The following CACUL1 variants were observed in gnomAD, a reference collection of about 807,000 sequenced individuals.
CACUL1 encodes CDK2-associated and cullin domain-containing protein 1.
A neutral mutation model predicts 45.2 loss-of-function variants in CACUL1; 13 were observed. The observed-to-expected ratio is 0.29, with a 90% CI of 0.19 to 0.46. The LOEUF (loss-of-function observed/expected upper bound fraction) is 0.46. CACUL1 is among the 20% of genes least tolerant of loss of function. The pLI is 1.00. For missense variants in CACUL1, 421 were observed against 471.4 expected (o/e 0.89, Z 0.99); for synonymous variants, 197 against 174.2 (o/e 1.13, Z -1.03).
chr10:118,707,367 C>T (rs775912668), intron 4 of CACUL1, 125 bp downstream of exon 4: 155 of 504,732 alleles, frequency 3.1e-4, no homozygotes, highest in Non-Finnish European at 4.5e-4. Flanking sequence ...ACTGAAATAA[C>T]TTAATTTCCA....
At chr10:118,730,185 CT>C in intron 2 of CACUL1, 98 bp downstream of exon 2, 1 of 1,246,258 alleles carries the variant, frequency 8.0e-7, no homozygotes, top group Non-Finnish European at 1.2e-6. Flanking sequence ...AGAGCCTCAT[CT>C]TATGCATTCT....
intron 5 of CACUL1, among the ~76,000 whole-genome samples, chr10:118,699,123 A>C (rs11819341): frequency 1.3e-5 from 2 of 152,080 alleles, no homozygotes; most frequent in Non-Finnish European, 2.9e-5. Flanking sequence ...CAAGCAGTGC[A>C]TGTGTGTTTA....
Position 118,682,844 on chromosome 10 carries a change from T to A in CACUL1, c.*3284A>T, listed in dbSNP as rs1845166874. 1 of 152,534 alleles carries A rather than the reference T, an allele frequency of 6.6e-6. No homozygotes were observed. The highest frequency in any genetic ancestry group is 1.5e-5 in the Non-Finnish European group (1 of 68,042). The allele number at this position is 152,534 out of a possible 1,614,324, so 9.4% of individuals were successfully genotyped here. A position where few individuals can be genotyped will look rare whatever the true frequency, so the allele number is the denominator to read the frequency against. ...CAATCTCATCTACCCACAAATTAGC[T>A]TTCACTCTAGACCCCAAAGGGAGGG... On this transcript the variant is annotated 3_prime_UTR_variant, in exon 9 of 9. Transcript: ENST00000369151.
At position 118,677,113 on chromosome 10, in the gene CACUL1, A is replaced by G. The variant is rs1048720969; in HGVS notation, c.*9015T>C. 2 of 152,202 alleles carry G rather than the reference A, an allele frequency of 1.3e-5. No individual in the cohort carries two copies. The highest frequency in any genetic ancestry group is 2.4e-5 in the African/African-American group (1 of 41,448). 9.4% of individuals were successfully genotyped at this position (152,202 alleles called of 1,614,324 possible). A position where few individuals can be genotyped will look rare whatever the true frequency, so the allele number is the denominator to read the frequency against. ...AGCACCTTTCATAAAATAATTGACC[A>G]TGGACAGCATGATTTCAAAAAGCCG... On this transcript the variant is annotated 3_prime_UTR_variant, in exon 9 of 9. Coordinates refer to ENST00000369151, the MANE Select transcript of CACUL1 (RefSeq NM_153810.5).
chr10:118,698,828 T>G (rs1589604356), intron 5 of CACUL1, among the ~76,000 whole-genome samples: 1 of 152,202 alleles, frequency 6.6e-6, no homozygotes, highest in East Asian at 1.9e-4. Flanking sequence ...CGATAATAAA[T>G]GGAACACTAG....
At chr10:118,752,543 A>T (rs1845908611) in intron 1 of CACUL1, among the ~76,000 whole-genome samples, 1 of 152,198 alleles carries the variant, frequency 6.6e-6, no homozygotes, top group Non-Finnish European at 1.5e-5. Flanking sequence ...GCGAGTATTT[A>T]TTCTGCAGTA....
At chr10:118,728,375 G>A (rs1477990342) in intron 3 of CACUL1, among the ~76,000 whole-genome samples, 3 of 149,216 alleles carry the variant, frequency 2.0e-5, no homozygotes, top group African/African-American at 5.0e-5. Flanking sequence ...GTGCAGCGAC[G>A]CAATCTCGGC....
chr10:118,724,983 AT>A (rs1845638840), intron 3 of CACUL1, among the ~76,000 whole-genome samples: 1 of 152,144 alleles, frequency 6.6e-6, no homozygotes, highest in Admixed American at 6.5e-5. Flanking sequence ...AAATATGGTA[AT>A]TTCTAAATGT....
chr10:118,677,220 T>C lies in CACUL1; in HGVS notation c.*8908A>G, dbSNP rs1257376163. 2.6e-5 allele frequency: 4 copies of C among 151,796 alleles called. No homozygotes were observed. The highest frequency in any genetic ancestry group is 5.9e-5 in the Non-Finnish European group (4 of 68,010). The allele number at this position is 151,796 out of a possible 1,614,324, so 9.4% of individuals were successfully genotyped here. A position where few individuals can be genotyped will look rare whatever the true frequency, so the allele number is the denominator to read the frequency against. On this transcript the variant is annotated 3_prime_UTR_variant, in exon 9 of 9. Transcript: ENST00000369151. ...ATTGACTTATCTGTTTACCCTGGCA[T>C]AAGTCTTTTAATTTAATTGCACTTA...
intron 1 of CACUL1, among the ~76,000 whole-genome samples, chr10:118,739,870 T>A (rs1564838625): frequency 6.6e-6 from 1 of 152,206 alleles, no homozygotes; most frequent in Non-Finnish European, 1.5e-5. Flanking sequence ...TTTGGCTGGG[T>A]GCGGTGGCTC....
chr10:118,693,748 A>C (rs1249108743), intron 6 of CACUL1: 1 of 456,752 alleles, frequency 2.2e-6, no homozygotes, highest in Non-Finnish European at 4.4e-6. Flanking sequence ...AATTCTGAGA[A>C]ACTAAATACA....
chr10:118,707,644 C>A, intron 3 of CACUL1, 57 bp from the exon 4 acceptor site: 1 of 730,998 alleles, frequency 1.4e-6, no homozygotes. Context: ...GACCTTCCAC[C>A]ATAATTTGAA....
At chr10:118,733,375 T>C (rs1453234385) in intron 1 of CACUL1, among the ~76,000 whole-genome samples, 1 of 152,150 alleles carries the variant, frequency 6.6e-6, no homozygotes, top group African/African-American at 2.4e-5. Flanking sequence ...ATTTATTATA[T>C]ACAATATACA....
At chr10:118,724,096 CAGGCTTTAGCAAATGAGA>C (rs1183245948) in intron 3 of CACUL1, among the ~76,000 whole-genome samples, 1 of 152,094 alleles carries the variant, frequency 6.6e-6, no homozygotes, top group African/African-American at 2.4e-5. Flanking sequence ...AATCAGGAAT[CAGGCTTTAGCAAATGAGA>C]AGGCTAGTCT....
At chr10:118,711,397 G>C (rs1401415835) in intron 3 of CACUL1, among the ~76,000 whole-genome samples, 1 of 152,182 alleles carries the variant, frequency 6.6e-6, no homozygotes, top group Non-Finnish European at 1.5e-5. Flanking sequence ...ATTTTTAAAA[G>C]CATTCTTTGT....
intron 5 of CACUL1, among the ~76,000 whole-genome samples, chr10:118,696,644 TA>T (rs113764934): frequency 2.7e-5 from 4 of 148,952 alleles, no homozygotes; most frequent in Admixed American, 6.7e-5. Flanking sequence ...CACTATCTAA[TA>T]AAAAAAAAAG....
intron 1 of CACUL1, among the ~76,000 whole-genome samples, chr10:118,746,333 A>C (rs1225933784): frequency 1.3e-5 from 2 of 152,252 alleles, no homozygotes; most frequent in African/African-American, 4.8e-5. Flanking sequence ...ATTTCTGACA[A>C]AGTTTCCAAA....
intron 7 of CACUL1, among the ~76,000 whole-genome samples, chr10:118,689,262 G>A (rs1281180784): frequency 6.6e-6 from 1 of 152,148 alleles, no homozygotes; most frequent in Non-Finnish European, 1.5e-5. Context: ...GCCAAAGGTG[G>A]CATGTGCACG....
intron 3 of CACUL1, among the ~76,000 whole-genome samples, chr10:118,710,672 G>A (rs1226136750): frequency 6.6e-6 from 1 of 152,088 alleles, no homozygotes; most frequent in Non-Finnish European, 1.5e-5. Flanking sequence ...TGGGTAGTCT[G>A]CCACTACCTT....
Sources: gnomAD v4.1 joint callset for allele counts (sites outside exome capture counted in the v4.1 genomes callset) on GRCh38, gnomAD v4.1.1 for gene constraint, MANE v1.5 for transcripts, NCBI Gene and HGNC (gene_info 2026-07-23, HGNC 2026-07-21) for gene names.